CPLANE1: variants seen among roughly 807,000 people sequenced by gnomAD.
CPLANE1 encodes ciliogenesis and planar polarity effector complex subunit 1, also known as ciliogenesis and planar polarity effector 1.
In CPLANE1, 263 loss-of-function variants were observed where a neutral mutation model predicts 362.5. That is an observed-to-expected ratio of 0.73 (90% CI 0.66 to 0.80). CPLANE1 has a LOEUF of 0.80. CPLANE1 is among the 30% of genes least tolerant of loss of function. The pLI, the probability that CPLANE1 is intolerant of heterozygous loss-of-function variation, is 0.00. For synonymous variants in CPLANE1, 1,212 were observed against 1,302.6 expected, an observed-to-expected ratio of 0.93 and a Z score of 1.50; for missense variants, 3,461 against 3,793.4, an observed-to-expected ratio of 0.91 and a Z score of 2.30.
In CPLANE1 at chr5:37,209,451, C is replaced by A; in HGVS notation, c.2921-3026G>T. The A allele has an allele frequency of 1.5e-6, 2 of 1,308,316 alleles. No individual in the cohort carries two copies. Among genetic ancestry groups the A allele is most frequent in the East Asian group, 2.3e-5 (1 of 43,288 alleles). 81.0% of individuals were successfully genotyped at this position (1,308,316 alleles called of 1,614,324 possible). On this transcript the variant is annotated intron_variant, in intron 16 of 52. Transcript: ENST00000651892. This position sits in a 1 kb window ranked among gnomAD's most constrained non-coding sequence, Gnocchi z 4.6. ...AAAGCTATACCAGACATTTAAGGAT[C>A]GGGGTATACTGGAAACACTCAAGAT... is the stretch of plus-strand genomic sequence containing the variant.
chr5:37,164,044 C>T (rs573396686), intron 37 of CPLANE1, among the ~76,000 whole-genome samples: 22 of 152,262 alleles, frequency 1.4e-4, no homozygotes, highest in Middle Eastern at 3.4e-3. Context: ...CCCACCACTG[C>T]GTATCCTTTA....
intron 12 of CPLANE1, among the ~76,000 whole-genome samples, chr5:37,225,377 G>T (rs1053173243): frequency 1.3e-5 from 2 of 151,980 alleles, no homozygotes; most frequent in African/African-American, 4.8e-5. Context: ...AGCCTCCTGG[G>T]TCGCTGGGAT....
In CPLANE1 at chr5:37,231,048, A is replaced by G; in HGVS notation, c.940T>C (p.Ser314Pro). 6.6e-7 allele frequency: 1 copy of G among 1,517,842 alleles called. No individual in the cohort carries two copies. The highest frequency in any genetic ancestry group is 8.8e-7 in the Non-Finnish European group (1 of 1,132,754). The allele number at this position is 1,517,842 out of a possible 1,614,324, so 94.0% of individuals were successfully genotyped here. The change falls in exon 9 of 53, where the codon TCC (serine) becomes CCC (proline). Residue 314 changes from serine to proline, a missense_variant and splice_region_variant. Transcript: ENST00000651892. Reference sequence around the variant, plus strand: ...CAGCTGATATCACCTACCCAGTAGGACCTATAATAAATAAGAGACAACATG... The same window carrying G: ...CAGCTGATATCACCTACCCAGTAGGGCCTATAATAAATAAGAGACAACATG... ...SPVVPATLIR[S>P]YWVGDISWTH...
chr5:37,083,869 G>A, the CPLANE1 span, among the ~76,000 whole-genome samples: 8 of 152,122 alleles, frequency 5.3e-5, no homozygotes, highest in Non-Finnish European at 7.4e-5. Flanking sequence ...GGGAATAATC[G>A]AGGAAAATTT....
the CPLANE1 span, among the ~76,000 whole-genome samples, chr5:37,096,337 T>G: frequency 6.6e-6 from 1 of 152,166 alleles, no homozygotes; most frequent in African/African-American, 2.4e-5. Context: ...GGTGCTGGGA[T>G]AATTGGCTAG....
chr5:37,164,926 A>G (rs1777842367), intron 36 of CPLANE1, among the ~76,000 whole-genome samples: 1 of 152,002 alleles, frequency 6.6e-6, no homozygotes, highest in Admixed American at 6.6e-5. Context: ...GCAACACAGC[A>G]AGGTCCCACC....
the CPLANE1 span, among the ~76,000 whole-genome samples, chr5:37,086,736 G>C: frequency 6.6e-6 from 1 of 152,164 alleles, no homozygotes; most frequent in African/African-American, 2.4e-5. Context: ...CAGCGAGTCA[G>C]GGCCGGGGCT....
At chr5:37,113,620 G>A (rs571942875) in intron 51 of CPLANE1, among the ~76,000 whole-genome samples, 10 of 152,032 alleles carry the variant, frequency 6.6e-5, no homozygotes, top group Non-Finnish European at 1.3e-4. Context: ...AGAAAATACC[G>A]CCATAGACAT....
Position 37,175,205 on chromosome 5 carries a change from G to A in CPLANE1, c.5978+704C>T, listed in dbSNP as rs150945733. Among the ~76,000 whole-genome samples, 644 of 152,300 alleles carry A rather than the reference G, an allele frequency of 4.2e-3. 2 individuals are homozygous for A. Among genetic ancestry groups the A allele is most frequent in the Middle Eastern group, 6.8e-3 (2 of 294 alleles). On this transcript the variant is annotated intron_variant, in intron 31 of 52. Transcript: ENST00000651892. ...GCTTGCACAAGTCACTGGCACTCAG[G>A]AAGGCCTTGGGACAGTAGGGGCAGG...
chr5:37,174,962 T>C (rs998681277), intron 31 of CPLANE1, among the ~76,000 whole-genome samples: 5 of 152,200 alleles, frequency 3.3e-5, no homozygotes, highest in Non-Finnish European at 5.9e-5. Context: ...CTTAGCTGGG[T>C]GACAAGGGAG....
intron 8 of CPLANE1, among the ~76,000 whole-genome samples, chr5:37,236,843 A>C (rs964725769): frequency 6.6e-6 from 1 of 152,238 alleles, no homozygotes; most frequent in Non-Finnish European, 1.5e-5. Context: ...TCATCAGAGA[A>C]ATGCAAATTA....
chr5:37,143,192 A>G (rs984627822), intron 43 of CPLANE1, among the ~76,000 whole-genome samples: 3 of 152,238 alleles, frequency 2.0e-5, no homozygotes, highest in African/African-American at 7.2e-5. Context: ...GCAAAAAGCA[A>G]ATGCAAAACT....
intron 15 of CPLANE1, among the ~76,000 whole-genome samples, chr5:37,216,081 T>C (rs1794019579): frequency 6.6e-6 from 1 of 151,966 alleles, no homozygotes; most frequent in African/African-American, 2.4e-5. Context: ...AAGTAATCGG[T>C]CCGCCTCAGC....
chr5:37,087,983 C>G, the CPLANE1 span, among the ~76,000 whole-genome samples: 1 of 152,112 alleles, frequency 6.6e-6, no homozygotes, highest in Admixed American at 6.6e-5. Context: ...ATCAGGTGGC[C>G]GGCCAAGACA....
chr5:37,150,656 T>A, intron 42 of CPLANE1, among the ~76,000 whole-genome samples: 1 of 152,178 alleles, frequency 6.6e-6, no homozygotes, highest in East Asian at 1.9e-4. Context: ...TATCAATCTC[T>A]AAGTCCTGTT....
intron 2 of CPLANE1, 37 bp downstream of exon 2, chr5:37,247,581 T>C: frequency 2.6e-6 from 4 of 1,522,698 alleles, no homozygotes; most frequent in Non-Finnish European, 3.6e-6. Flanking sequence ...ATATAACATA[T>C]ATAAAACTGG....
At position 37,209,694 on chromosome 5, in the gene CPLANE1, C is replaced by A; in HGVS notation, c.2921-3269G>T. 8.0e-7 allele frequency: 1 copy of A among 1,252,834 alleles called. No homozygotes were observed. Among genetic ancestry groups the A allele is most frequent in the Non-Finnish European group, 1.2e-6 (1 of 853,334 alleles). The allele number at this position is 1,252,834 out of a possible 1,614,324, so 77.6% of individuals were successfully genotyped here. ...AGAAAAGGTATTTACTATGCAGGAT[C>A]TATTACAACTCATTAAAATCAACCC... On this transcript the variant is annotated intron_variant, in intron 16 of 52. Coordinates refer to ENST00000651892, the MANE Select transcript of CPLANE1 (RefSeq NM_001384732.1). This position sits in a 1 kb window ranked among gnomAD's most constrained non-coding sequence, Gnocchi z 4.6.
chr5:37,168,971 T>C lies in CPLANE1; in HGVS notation c.7053A>G (p.Ile2351Met), dbSNP rs761730351. ...GAAGTCCAAAGGAATGGTGAGGAGA[T>C]ATCTCAAGGGTCCCTGGCTTAACAT... is the stretch of plus-strand genomic sequence containing the variant. ...LFDVKPGTLE[I>M]SPHHSFGLPL... The change falls in exon 34 of 53, where the codon ATA (isoleucine) becomes ATG (methionine). Residue 2351 changes from isoleucine to methionine, a missense_variant. Around this residue, in one of 2 missense-constraint regions of CPLANE1, gnomAD observed 3,380 missense variants for 3,666.1 expected, o/e 0.92. Transcript: ENST00000651892. 1.9e-6 allele frequency: 3 copies of C among 1,614,182 alleles called. No homozygotes were observed. Among genetic ancestry groups the C allele is most frequent in the South Asian group, 2.2e-5 (2 of 91,082 alleles).
chr5:37,177,825 A>T lies in CPLANE1; in HGVS notation c.5821-125T>A, dbSNP rs1781607845. The T allele has an allele frequency of 8.4e-6, 6 of 718,146 alleles. No homozygotes were observed. The Admixed American group carries it at 1.5e-4, about 17-fold the overall frequency. 44.5% of individuals were successfully genotyped at this position (718,146 alleles called of 1,614,324 possible). A position where few individuals can be genotyped will look rare whatever the true frequency, so the allele number is the denominator to read the frequency against. ...ACAACAGTCTACAAGCAAGTGAGAA[A>T]TCAAACAGTAAAATGTACTCCCAGT... is the stretch of plus-strand genomic sequence containing the variant. On this transcript the variant is annotated intron_variant, in intron 29 of 52. Transcript: ENST00000651892.
Sources: allele counts gnomAD v4.1 joint callset (sites outside exome capture counted in the v4.1 genomes callset), GRCh38; gene constraint gnomAD v4.1.1; regional missense constraint gnomAD v4.1.1; non-coding constraint Gnocchi (gnomAD v3.1); transcripts MANE v1.5; gene names NCBI Gene and HGNC (gene_info 2026-07-23, HGNC 2026-07-21).